The following NFIA variants were observed in gnomAD, a reference collection of about 807,000 sequenced individuals.
NFIA encodes the protein nuclear factor I A.
Under a neutral mutation model 62.8 loss-of-function variants are expected in NFIA, and 8 were observed. The observed-to-expected ratio is 0.13, with a 90% CI of 0.07 to 0.23. The LOEUF (loss-of-function observed/expected upper bound fraction) is 0.23. Ranked by LOEUF, NFIA falls within the 10% of genes least tolerant of loss-of-function variation. NFIA has a pLI of 1.00. For synonymous variants in NFIA, 235 were observed against 238.1 expected (o/e 0.99, Z 0.12); for missense variants, 410 against 642.1 (o/e 0.64, Z 3.91).
intron 3 of NFIA, among the ~76,000 whole-genome samples, chr1:61,301,888 A>G (rs973748923): frequency 4.6e-5 from 7 of 152,180 alleles, no homozygotes; most frequent in South Asian, 2.1e-4. Context: ...ACAAAAGCAA[A>G]CAACAATGCT....
chr1:61,118,315 A>G (rs976001330), intron 2 of NFIA, among the ~76,000 whole-genome samples: 2 of 152,204 alleles, frequency 1.3e-5, no homozygotes, highest in African/African-American at 4.8e-5. Flanking sequence ...TTCTATATGT[A>G]ATGATGTTTT....
intron 2 of NFIA, among the ~76,000 whole-genome samples, chr1:61,214,968 C>T (rs184335811): frequency 6.6e-6 from 1 of 152,306 alleles, no homozygotes; most frequent in Non-Finnish European, 1.5e-5. Context: ...AAGGAATACA[C>T]TCTTCCCACT....
intron 7 of NFIA, among the ~76,000 whole-genome samples, chr1:61,396,891 A>G (rs1471213572): frequency 6.6e-6 from 1 of 151,854 alleles, no homozygotes; most frequent in Non-Finnish European, 1.5e-5. Context: ...AGTCCCAGCT[A>G]CTCGGGAGGC....
intron 1 of NFIA, among the ~76,000 whole-genome samples, chr1:61,083,159 G>A (rs1646148116): frequency 6.6e-6 from 1 of 152,156 alleles, no homozygotes; most frequent in Non-Finnish European, 1.5e-5. Flanking sequence ...CCCCGCACGT[G>A]TTTCGGCGGG....
chr1:61,134,576 T>C (rs1189257165), intron 2 of NFIA, among the ~76,000 whole-genome samples: 2 of 152,210 alleles, frequency 1.3e-5, no homozygotes, highest in Non-Finnish European at 2.9e-5. Context: ...AGTCTTTTAG[T>C]TATGACCACT....
chr1:61,265,292 A>G (rs1260685392), intron 2 of NFIA, among the ~76,000 whole-genome samples: 1 of 152,202 alleles, frequency 6.6e-6, no homozygotes, highest in Admixed American at 6.5e-5. Flanking sequence ...ATTGTACTGC[A>G]ATTAATTTTA....
At chr1:61,189,727 A>G (rs1487088589) in intron 2 of NFIA, among the ~76,000 whole-genome samples, 1 of 152,162 alleles carries the variant, frequency 6.6e-6, no homozygotes, top group African/African-American at 2.4e-5. Context: ...CAGTAGATCT[A>G]TATCAGTAAG....
intron 3 of NFIA, among the ~76,000 whole-genome samples, chr1:61,323,831 A>G (rs1054781836): frequency 2.0e-5 from 3 of 152,208 alleles, no homozygotes; most frequent in African/African-American, 7.2e-5. Flanking sequence ...ATAAATATTT[A>G]TTACACACCT....
At chr1:61,135,973 C>A (rs567521660) in intron 2 of NFIA, among the ~76,000 whole-genome samples, 1 of 152,136 alleles carries the variant, frequency 6.6e-6, no homozygotes, top group African/African-American at 2.4e-5. Flanking sequence ...CAGAACCCTC[C>A]GCTTACGCTC....
intron 2 of NFIA, among the ~76,000 whole-genome samples, chr1:61,188,236 G>T (rs1053744071): frequency 1.3e-5 from 2 of 151,914 alleles, no homozygotes; most frequent in Non-Finnish European, 2.9e-5. Flanking sequence ...GGTAGAGATG[G>T]GATTTCGCTG....
At position 61,445,072 on chromosome 1, in the gene NFIA, A is replaced by T. The variant is rs373332406; in HGVS notation, c.1513-10231A>T. ...CTCAATTTTATAAAACACATTCTTG[A>T]ATCAGTCTTCAATAATCTTTGCTTG... On this transcript the variant is annotated intron_variant, in intron 10 of 10. Coordinates refer to ENST00000403491, the MANE Select transcript of NFIA (RefSeq NM_001134673.4). Among the ~76,000 whole-genome samples, 282 of 152,358 alleles carry T rather than the reference A, an allele frequency of 1.9e-3. 7 individuals are homozygous for T. The South Asian group carries it at 0.056, about 30-fold the overall frequency.
rs869258274 is a variant in NFIA at position 61,413,615 on chromosome 1, C to CTTTTTT, written c.1420+6912_1420+6917dup. 1.0e-3 allele frequency among the ~76,000 whole-genome samples: 71 copies of CTTTTTT among 68,392 alleles called. 1 individual carries two copies. The highest frequency in any genetic ancestry group is 1.5e-3 in the Non-Finnish European group (57 of 39,310). 44.9% of individuals were successfully genotyped at this position (68,392 alleles called of 152,430 possible). A position where few individuals can be genotyped will look rare whatever the true frequency, so the allele number is the denominator to read the frequency against. On this transcript the variant is annotated intron_variant, in intron 9 of 10. Coordinates refer to ENST00000403491, the MANE Select transcript of NFIA (RefSeq NM_001134673.4). Reference sequence around the variant, plus strand: ...AAATTAACAACAACAAAGTATTTTGCTTTTTTTTTTTTTTTTTTTTTTTTT... The same window carrying CTTTTTT: ...AAATTAACAACAACAAAGTATTTTGCTTTTTTTTTTTTTTTTTTTTTTTTTTTTTTT...
chr1:61,324,330 A>C (rs1181245716), intron 3 of NFIA, among the ~76,000 whole-genome samples: 1 of 152,188 alleles, frequency 6.6e-6, no homozygotes, highest in East Asian at 1.9e-4. Flanking sequence ...AGCATGGAGA[A>C]GCCTGGTAAT....
intron 2 of NFIA, among the ~76,000 whole-genome samples, chr1:61,209,852 CA>C (rs894468019): frequency 3.3e-4 from 48 of 147,326 alleles, no homozygotes; most frequent in Non-Finnish European, 3.3e-4. Flanking sequence ...GACTCTGTCT[CA>C]AAAAAAAAAT....
At chr1:61,175,153 A>ATTATTT (rs1386190941) in intron 2 of NFIA, among the ~76,000 whole-genome samples, 2 of 100,262 alleles carry the variant, frequency 2.0e-5, no homozygotes, top group East Asian at 5.3e-4. Context: ...TATTATTATT[A>ATTATTT]TTTTTTGAGA....
chr1:61,324,399 G>T (rs1660826343), intron 3 of NFIA, among the ~76,000 whole-genome samples: 1 of 152,206 alleles, frequency 6.6e-6, no homozygotes, highest in Non-Finnish European at 1.5e-5. Flanking sequence ...GACTAGAATA[G>T]AGATGAGTTC....
At chr1:61,266,687 A>T (rs1251294717) in intron 2 of NFIA, among the ~76,000 whole-genome samples, 5 of 152,204 alleles carry the variant, frequency 3.3e-5, no homozygotes, top group Non-Finnish European at 7.3e-5. Context: ...GGCATGAGCC[A>T]CTGTACCTGG....
intron 2 of NFIA, among the ~76,000 whole-genome samples, chr1:61,108,186 G>A (rs1269744205): frequency 6.6e-6 from 1 of 151,424 alleles, no homozygotes; most frequent in African/African-American, 2.4e-5. Flanking sequence ...ATCCTATTGG[G>A]ACTTTGTTTA....
intron 9 of NFIA, among the ~76,000 whole-genome samples, chr1:61,415,502 A>G (rs375089315): frequency 6.6e-6 from 1 of 152,190 alleles, no homozygotes. Context: ...CCAACAATCC[A>G]ATAGAAAGAC....
Sources: allele counts gnomAD v4.1 joint callset (sites outside exome capture counted in the v4.1 genomes callset), GRCh38; gene constraint gnomAD v4.1.1; transcripts MANE v1.5; gene names NCBI Gene and HGNC (gene_info 2026-07-23, HGNC 2026-07-21).